The following SLC15A2 variants were observed in gnomAD, a reference collection of about 807,000 sequenced individuals.
The protein encoded by SLC15A2 is solute carrier family 15 member 2, also known as kidney H(+)/peptide cotransporter.
SLC15A2 carries 77 observed loss-of-function variants against 95.5 expected under a neutral mutation model. That is an observed-to-expected ratio of 0.81 (90% CI 0.67 to 0.97). SLC15A2 has a LOEUF of 0.97. SLC15A2 is among the 50% of genes least tolerant of loss of function. The pLI is 0.00. For missense variants in SLC15A2, 893 were observed against 874.4 expected (o/e 1.02, Z -0.27); for synonymous variants, 306 against 306.9 (o/e 1.00, Z 0.03).
chr3:121,910,658 A>C (rs577926360), intron 3 of SLC15A2, among the ~76,000 whole-genome samples: 25 of 152,272 alleles, frequency 1.6e-4, no homozygotes, highest in African/African-American at 5.5e-4. Context: ...TTTATTCCAC[A>C]TTAGCATAAA....
chr3:121,907,527 A>G (rs1206682610), intron 3 of SLC15A2, among the ~76,000 whole-genome samples: 1 of 152,018 alleles, frequency 6.6e-6, no homozygotes, highest in African/African-American at 2.4e-5. Context: ...TGACCTACAG[A>G]TGGGGTTTTG....
Position 121,917,978 on chromosome 3 carries a change from C to T in SLC15A2, c.697+2285C>T, listed in dbSNP as rs995691692. Among the ~76,000 whole-genome samples the T allele has an allele frequency of 2.6e-5, 4 of 152,092 alleles. No individual in the cohort carries two copies. In the South Asian group the frequency reaches 8.3e-4, roughly 32 times the overall value. ...ACCAGATAATGAAGGGCCTTTTAAA[C>T]CAATAAGAAATTAGAACTTTATTGT... On this transcript the variant is annotated intron_variant, in intron 7 of 21. Transcript: ENST00000489711.
Position 121,922,297 on chromosome 3 carries a change from A to T in SLC15A2, c.775A>T (p.Ile259Phe). ...CATAGTGGCTCAAGTTTTCAAATGT[A>T]TCTGGGTAAGTCCATAAATTGTTTT... is the stretch of plus-strand genomic sequence containing the variant. Reference protein sequence around the residue: ...GNIVAQVFKCIWFAISNRFKN... With the variant: ...GNIVAQVFKCFWFAISNRFKN... Residue 259 changes from isoleucine (I) to phenylalanine (F), a missense_variant, in exon 8 of 22, where the codon ATC (isoleucine) becomes TTC (phenylalanine). Ile to Phe is a conservative substitution (Grantham distance 21). Transcript: ENST00000489711. 6.2e-7 allele frequency: 1 copy of T among 1,613,498 alleles called. No individual in the cohort carries two copies. Among genetic ancestry groups the T allele is most frequent in the East Asian group, 2.2e-5 (1 of 44,866 alleles).
intron 3 of SLC15A2, among the ~76,000 whole-genome samples, chr3:121,900,372 A>G (rs1404472902): frequency 2.6e-5 from 4 of 152,184 alleles, no homozygotes; most frequent in Non-Finnish European, 4.4e-5. Flanking sequence ...ATGTCTTTAA[A>G]TTGAGATATT....
intron 7 of SLC15A2, among the ~76,000 whole-genome samples, chr3:121,917,266 T>C (rs2107589860): frequency 6.6e-6 from 1 of 152,300 alleles, no homozygotes; most frequent in Middle Eastern, 3.4e-3. Context: ...TATAGTTCAG[T>C]AGGGAAAGGA....
At position 121,940,829 on chromosome 3, in the gene SLC15A2, A is replaced by G. The variant is rs1436954148; in HGVS notation, c.2014-2A>G. The G allele has an allele frequency of 6.2e-7, 1 of 1,610,928 alleles. No individual in the cohort carries two copies. The highest frequency in any genetic ancestry group is 1.7e-5 in the Admixed American group (1 of 59,468). ...TCTTCTCATATTTATTTCCCCCTGC[A>G]GTGGGCCGAATTCATTTTGTTTTCC... On this transcript the variant is annotated splice_acceptor_variant, in intron 21 of 21. Coordinates refer to ENST00000489711, the MANE Select transcript of SLC15A2 (RefSeq NM_021082.4). LOFTEE classifies it high-confidence loss of function.
Position 121,915,207 on chromosome 3 carries a change from AT to A in SLC15A2, c.529-17del. Reference sequence around the variant, plus strand: ...AGCTAGGGGACACATTGCACTGATGATTTATCCTGTTTGTTTCAGGCAGAGG... The same window carrying A: ...AGCTAGGGGACACATTGCACTGATGATTATCCTGTTTGTTTCAGGCAGAGG... On this transcript the variant is annotated intron_variant, in intron 5 of 21. Coordinates refer to ENST00000489711, the MANE Select transcript of SLC15A2 (RefSeq NM_021082.4). 1.3e-6 allele frequency: 2 copies of A among 1,586,192 alleles called. No homozygotes were observed. Among genetic ancestry groups the A allele is most frequent in the Non-Finnish European group, 1.7e-6 (2 of 1,154,754 alleles).
chr3:121,898,403 A>G (rs528593864), intron 3 of SLC15A2, among the ~76,000 whole-genome samples: 171 of 152,284 alleles, frequency 1.1e-3, no homozygotes, highest in African/African-American at 4.1e-3. Context: ...GTCCCTGAAC[A>G]CAGCACCAAG....
chr3:121,910,486 T>C (rs1709743382), intron 3 of SLC15A2, among the ~76,000 whole-genome samples: 2 of 152,120 alleles, frequency 1.3e-5, no homozygotes, highest in African/African-American at 4.8e-5. Context: ...TGAGCCACCG[T>C]GCCCTAGTCA....
intron 1 of SLC15A2, among the ~76,000 whole-genome samples, chr3:121,894,985 A>G (rs548503553): frequency 5.3e-5 from 8 of 152,326 alleles, no homozygotes; most frequent in African/African-American, 1.7e-4. Context: ...ACACCAATGG[A>G]AGTTTCAGAA....
chr3:121,903,655 G>A (rs907792960), intron 3 of SLC15A2, among the ~76,000 whole-genome samples: 115 of 152,106 alleles, frequency 7.6e-4, no homozygotes, highest in Non-Finnish European at 1.4e-3. Flanking sequence ...AAGATCAGAT[G>A]GTTGTAGATG....
At chr3:121,939,093 C>A (rs1710407341) in intron 19 of SLC15A2, 2 of 314,412 alleles carry the variant, frequency 6.4e-6, no homozygotes, top group Non-Finnish European at 1.1e-5. Context: ...CGGTGGAAAT[C>A]CAAACTGCAA....
chr3:121,894,790 A>T (rs1709387340), intron 1 of SLC15A2, among the ~76,000 whole-genome samples: 1 of 152,244 alleles, frequency 6.6e-6, no homozygotes, highest in African/African-American at 2.4e-5. Context: ...AAAGTTCTTC[A>T]GTTGGGATCC....
chr3:121,922,341 A>C, intron 8 of SLC15A2, 39 bp downstream of exon 8: 2 of 1,530,748 alleles, frequency 1.3e-6, no homozygotes, highest in Non-Finnish European at 1.8e-6. Flanking sequence ...TTTCAATCAA[A>C]AGAAAGAGAT....
chr3:121,928,271 A>T, intron 14 of SLC15A2, 150 bp from the exon 15 acceptor site: 1 of 911,026 alleles, frequency 1.1e-6, no homozygotes, highest in Non-Finnish European at 1.6e-6. Flanking sequence ...AGCTGCCTTT[A>T]GAGTTTTCTA....
chr3:121,905,062 T>C (rs1038050636), intron 3 of SLC15A2, among the ~76,000 whole-genome samples: 1 of 152,154 alleles, frequency 6.6e-6, no homozygotes, highest in Non-Finnish European at 1.5e-5. Context: ...TCAACTTCTT[T>C]CTGGTTTAGT....
intron 20 of SLC15A2, 86 bp downstream of exon 20, chr3:121,939,581 T>G (rs928801810): frequency 8.2e-7 from 1 of 1,216,722 alleles, no homozygotes; most frequent in African/African-American, 1.6e-5. Flanking sequence ...TAAATAGGTA[T>G]GTTATCTCTT....
intron 7 of SLC15A2, among the ~76,000 whole-genome samples, chr3:121,920,606 T>G (rs112709195): frequency 6.6e-6 from 1 of 152,282 alleles, no homozygotes; most frequent in African/African-American, 2.4e-5. Context: ...GTCTAGGTAC[T>G]TTTTTATCTG....
intron 7 of SLC15A2, among the ~76,000 whole-genome samples, chr3:121,917,122 T>C (rs1452204669): frequency 6.6e-6 from 1 of 152,088 alleles, no homozygotes; most frequent in Non-Finnish European, 1.5e-5. Flanking sequence ...GCCCAGCCAA[T>C]TAATTTATTT....
Sources: gnomAD v4.1 joint callset for allele counts (sites outside exome capture counted in the v4.1 genomes callset) on GRCh38, gnomAD v4.1.1 for gene constraint, MANE v1.5 for transcripts, NCBI Gene and HGNC (gene_info 2026-07-23, HGNC 2026-07-21) for gene names.